Variants in COMMD10 observed in about 807,000 individuals in gnomAD.
The protein encoded by COMMD10 is COMM domain-containing protein 10.
In COMMD10, 33 loss-of-function variants were observed where a neutral mutation model predicts 28.9. That is an observed-to-expected ratio of 1.14 (90% CI 0.87 to 1.53). The LOEUF is 1.53. COMMD10 is among the 40% of genes most tolerant of loss of function. COMMD10 has a pLI of 0.00. For synonymous variants in COMMD10, 110 were observed against 81.7 expected, an observed-to-expected ratio of 1.35 and a Z score of -1.87; for missense variants, 310 against 233.4, an observed-to-expected ratio of 1.33 and a Z score of -2.14.
Position 116,243,345 on chromosome 5 carries a change from C to T in COMMD10, c.511-48172C>T, listed in dbSNP as rs535677111. Reference sequence around the variant, plus strand: ...GGGAAAACAGAAACTTCAAATTTCACTCTTTTAAACTGAATAGGAGAGTAT... The same window carrying T: ...GGGAAAACAGAAACTTCAAATTTCATTCTTTTAAACTGAATAGGAGAGTAT... On this transcript the variant is annotated intron_variant, in intron 5 of 6. Coordinates refer to ENST00000274458, the MANE Select transcript of COMMD10 (RefSeq NM_016144.4). 5.9e-5 allele frequency among the ~76,000 whole-genome samples: 9 copies of T among 152,258 alleles called. No individual in the cohort carries two copies. The East Asian group carries it at 1.7e-3, about 29-fold the overall frequency.
chr5:116,196,702 T>C (rs1215256156), intron 5 of COMMD10, among the ~76,000 whole-genome samples: 1 of 151,842 alleles, frequency 6.6e-6, no homozygotes, highest in East Asian at 1.9e-4. Context: ...ACATCCCTTA[T>C]GCTGTTAGTC....
intron 5 of COMMD10, among the ~76,000 whole-genome samples, chr5:116,144,676 T>C (rs1752290028): frequency 6.6e-6 from 1 of 151,848 alleles, no homozygotes; most frequent in African/African-American, 2.4e-5. Context: ...CATGTGACTG[T>C]TGGATTTTGT....
chr5:116,253,494 T>G (rs1473635154), intron 5 of COMMD10, among the ~76,000 whole-genome samples: 1 of 148,618 alleles, frequency 6.7e-6, no homozygotes, highest in Non-Finnish European at 1.5e-5. Context: ...TTATTGAGAG[T>G]TTTTAGCATG....
intron 5 of COMMD10, among the ~76,000 whole-genome samples, chr5:116,193,586 T>G (rs768357703): frequency 6.6e-6 from 1 of 152,180 alleles, no homozygotes; most frequent in Non-Finnish European, 1.5e-5. Flanking sequence ...AGGGACATTA[T>G]GTAATGGTAA....
chr5:116,085,127 G>A (rs1473822415), intron 1 of COMMD10, 34 bp downstream of exon 1: 2 of 1,517,970 alleles, frequency 1.3e-6, no homozygotes, highest in East Asian at 2.8e-5. Context: ...CGGTAGCCGC[G>A]CCCAGGAAGG....
chr5:116,098,574 CTA>C (rs1232024480), intron 4 of COMMD10, among the ~76,000 whole-genome samples: 3 of 152,132 alleles, frequency 2.0e-5, no homozygotes, highest in African/African-American at 7.2e-5. Flanking sequence ...TATAAATAAT[CTA>C]GAGATGATTT....
intron 5 of COMMD10, among the ~76,000 whole-genome samples, chr5:116,197,683 C>T (rs974600005): frequency 1.3e-5 from 2 of 152,080 alleles, no homozygotes; most frequent in Non-Finnish European, 2.9e-5. Context: ...TGCCTGGCCC[C>T]AGATTTTTAT....
At chr5:116,115,093 G>C (rs573648661) in intron 4 of COMMD10, among the ~76,000 whole-genome samples, 3 of 152,210 alleles carry the variant, frequency 2.0e-5, no homozygotes, top group East Asian at 1.9e-4. Flanking sequence ...TTAAACCCTA[G>C]GATTGAGAAT....
At chr5:116,133,169 A>G (rs1262430210) in intron 4 of COMMD10, among the ~76,000 whole-genome samples, 1 of 152,184 alleles carries the variant, frequency 6.6e-6, no homozygotes, top group African/African-American at 2.4e-5. Flanking sequence ...TCTCAGAGGC[A>G]TATGACAATT....
chr5:116,292,396 T>C, intron 6 of COMMD10, 55 bp from the exon 7 acceptor site: 2 of 1,235,252 alleles, frequency 1.6e-6, no homozygotes, highest in Non-Finnish European at 2.2e-6. Context: ...TAACACTTGA[T>C]ATGAGTTTCG....
chr5:116,128,310 G>T (rs983085103), intron 4 of COMMD10, among the ~76,000 whole-genome samples: 2 of 151,960 alleles, frequency 1.3e-5, no homozygotes, highest in Non-Finnish European at 2.9e-5. Context: ...TAACTACTGT[G>T]TTAACAGTTT....
intron 5 of COMMD10, among the ~76,000 whole-genome samples, chr5:116,267,840 C>A (rs978683395): frequency 2.0e-5 from 3 of 151,858 alleles, no homozygotes; most frequent in South Asian, 2.1e-4. Flanking sequence ...GAAAAACAAG[C>A]AATGGGGAAA....
intron 5 of COMMD10, among the ~76,000 whole-genome samples, chr5:116,260,562 T>C (rs1750416129): frequency 6.6e-6 from 1 of 151,846 alleles, no homozygotes; most frequent in African/African-American, 2.4e-5. Flanking sequence ...TCATGTACTT[T>C]AATGGAGATC....
chr5:116,140,033 C>T (rs904128354), intron 5 of COMMD10, among the ~76,000 whole-genome samples: 2 of 151,618 alleles, frequency 1.3e-5, no homozygotes, highest in African/African-American at 4.8e-5. Flanking sequence ...TAACCTGCTT[C>T]TCCCCATTTT....
chr5:116,098,979 G>C (rs928358104), intron 4 of COMMD10, among the ~76,000 whole-genome samples: 2 of 152,156 alleles, frequency 1.3e-5, no homozygotes, highest in South Asian at 2.1e-4. Flanking sequence ...GAGTGTGTGC[G>C]TGAGGACATT....
chr5:116,233,342 A>G (rs771141927), intron 5 of COMMD10, among the ~76,000 whole-genome samples: 1 of 152,122 alleles, frequency 6.6e-6, no homozygotes. Flanking sequence ...GGTATGCATA[A>G]TAGGAAAAAA....
chr5:116,095,668 A>G (rs1750446424), intron 4 of COMMD10, among the ~76,000 whole-genome samples: 1 of 151,944 alleles, frequency 6.6e-6, no homozygotes, highest in Non-Finnish European at 1.5e-5. Flanking sequence ...CTTTTCATGA[A>G]CCTACTTCTG....
intron 4 of COMMD10, among the ~76,000 whole-genome samples, chr5:116,107,392 C>T (rs1750876812): frequency 6.6e-6 from 1 of 152,164 alleles, no homozygotes; most frequent in Non-Finnish European, 1.5e-5. Context: ...ACTGTTTCTT[C>T]TCTGATCTTG....
At chr5:116,249,078 A>G (rs1393418872) in intron 5 of COMMD10, among the ~76,000 whole-genome samples, 1 of 151,952 alleles carries the variant, frequency 6.6e-6, no homozygotes, top group Non-Finnish European at 1.5e-5. Flanking sequence ...ATATATTCAC[A>G]TCAGAGCATG....
Sources: gnomAD v4.1 joint callset for allele counts (sites outside exome capture counted in the v4.1 genomes callset) on GRCh38, gnomAD v4.1.1 for gene constraint, MANE v1.5 for transcripts, NCBI Gene and HGNC (gene_info 2026-07-23, HGNC 2026-07-21) for gene names.